INTS8: variants seen among roughly 807,000 people sequenced by gnomAD.
INTS8 encodes the protein integrator complex subunit 8, also known as protein kaonashi-1.
In INTS8, 47 loss-of-function variants were observed where a neutral mutation model predicts 138.9. That is an observed-to-expected ratio of 0.34 (90% CI 0.27 to 0.43). The LOEUF is 0.43. Among genes scored for constraint, INTS8 ranks in the 20% least tolerant of loss-of-function variants. The pLI, the probability that INTS8 is intolerant of heterozygous loss-of-function variation, is 1.00. For missense variants in INTS8, 996 were observed against 1,173.0 expected (o/e 0.85, Z 2.20); for synonymous variants, 392 against 400.9 (o/e 0.98, Z 0.27).
Position 94,842,409 on chromosome 8 carries a change from T to C in INTS8, c.1181T>C (p.Leu394Pro). Reference protein sequence around the residue: ...VCACNTVRDILEGRTISVQFN... With the variant: ...VCACNTVRDIPEGRTISVQFN... ...GCCTGTAATACAGTCCGTGATATACTGGAAGGCAGAACAATTAGTGTTCAA... is the reference window on the plus strand; with the variant it reads ...GCCTGTAATACAGTCCGTGATATACCGGAAGGCAGAACAATTAGTGTTCAA... Residue 394 changes from leucine (L) to proline (P), a missense_variant, in exon 10 of 27, where the codon CTG (leucine) becomes CCG (proline). Leu to Pro is a moderately conservative substitution (Grantham distance 98). Coordinates refer to ENST00000523731, the MANE Select transcript of INTS8 (RefSeq NM_017864.4). 1 of 1,603,380 alleles carries C rather than the reference T, an allele frequency of 6.2e-7. No homozygotes were observed. The highest frequency in any genetic ancestry group is 8.5e-7 in the Non-Finnish European group (1 of 1,170,380).
chr8:94,867,659 G>A (rs1251555963), intron 20 of INTS8: 2 of 192,514 alleles, frequency 1.0e-5, no homozygotes, highest in Middle Eastern at 2.1e-3. Context: ...AAATAGCTGG[G>A]ATTACAGGCA....
chr8:94,851,758 C>T (rs1815554122), intron 13 of INTS8, 72 bp downstream of exon 13: 5 of 1,318,108 alleles, frequency 3.8e-6, no homozygotes, highest in African/African-American at 1.6e-5. Flanking sequence ...AAAAGCTGTT[C>T]CCTGACCTTT....
intron 6 of INTS8, among the ~76,000 whole-genome samples, chr8:94,836,049 G>C (rs970479641): frequency 2.6e-5 from 4 of 152,202 alleles, no homozygotes; most frequent in African/African-American, 9.6e-5. Flanking sequence ...TCATAGCATT[G>C]AGAGTGATGG....
chr8:94,845,363 G>T (rs1180820973), intron 10 of INTS8, among the ~76,000 whole-genome samples: 1 of 152,008 alleles, frequency 6.6e-6, no homozygotes. Flanking sequence ...ATACATGTAT[G>T]GGCCTGTTTC....
chr8:94,850,011 T>C lies in INTS8; in HGVS notation c.1427T>C (p.Leu476Pro). Residue 476 changes from leucine to proline, a missense_variant, in exon 12 of 27, where the codon CTA becomes CCA. By Grantham distance (98) the Leu-to-Pro change is moderately conservative. Transcript: ENST00000523731. ...TTGTTGAAAGATGAAGAACGAAAGC[T>C]ACTTGTTGATCAGATGAGGAAGAGA... ...ITLLKDEERK[L>P]LVDQMRKRSP... 6.2e-7 allele frequency: 1 copy of C among 1,613,318 alleles called. No homozygotes were observed.
At chr8:94,848,435 C>CT (rs997999298) in intron 10 of INTS8, among the ~76,000 whole-genome samples, 1 of 151,074 alleles carries the variant, frequency 6.6e-6, no homozygotes, top group African/African-American at 2.4e-5. Context: ...ACTTCACTTC[C>CT]TTTTTTCACT....
intron 11 of INTS8, 29 bp from the exon 12 acceptor site, chr8:94,849,887 T>G (rs369142652): frequency 7.9e-6 from 12 of 1,522,090 alleles, no homozygotes; most frequent in Non-Finnish European, 9.7e-6. Context: ...ATACACTTTT[T>G]TGTTTTACAA....
intron 6 of INTS8, among the ~76,000 whole-genome samples, chr8:94,835,836 G>C (rs1234769039): frequency 6.6e-6 from 1 of 152,148 alleles, no homozygotes; most frequent in African/African-American, 2.4e-5. Flanking sequence ...TTGACCTCGT[G>C]ATCCACCCGC....
At chr8:94,862,112 T>G (rs1050964449) in intron 16 of INTS8, among the ~76,000 whole-genome samples, 3 of 151,754 alleles carry the variant, frequency 2.0e-5, no homozygotes, top group Non-Finnish European at 4.4e-5. Flanking sequence ...GGGTAGTTTT[T>G]TTTTGTTTTG....
rs774784053 is a variant in INTS8 at position 94,824,869 on chromosome 8, AATTT to A, written c.131-19_131-16del. Reference sequence around the variant, plus strand: ...TACATAATTAAAACTTAAATTTAAGAATTTATTTTCTTTTAAACCCTAGATCCTG... The same window carrying A: ...TACATAATTAAAACTTAAATTTAAGAATTTTCTTTTAAACCCTAGATCCTG... On this transcript the variant is annotated intron_variant, in intron 1 of 26. Coordinates refer to ENST00000523731, the MANE Select transcript of INTS8 (RefSeq NM_017864.4). The A allele has an allele frequency of 3.4e-6, 5 of 1,470,344 alleles. No individual in the cohort carries two copies. The highest frequency in any genetic ancestry group is 4.6e-6 in the Non-Finnish European group (5 of 1,097,658). The allele number at this position is 1,470,344 out of a possible 1,614,324, so 91.1% of individuals were successfully genotyped here.
intron 16 of INTS8, among the ~76,000 whole-genome samples, chr8:94,861,942 A>C (rs563450783): frequency 6.1e-4 from 92 of 150,510 alleles, no homozygotes; most frequent in African/African-American, 1.8e-3. Flanking sequence ...AATCATATCT[A>C]TCTCTTCTTT....
chr8:94,855,457 A>G (rs899195164), intron 14 of INTS8, among the ~76,000 whole-genome samples: 10 of 152,226 alleles, frequency 6.6e-5, no homozygotes, highest in African/African-American at 2.4e-4. Flanking sequence ...TGGCTGCCAT[A>G]TTAGACAATG....
At chr8:94,849,430 C>T (rs1815450207) in intron 10 of INTS8, 32 bp from the exon 11 acceptor site, 1 of 1,003,236 alleles carries the variant, frequency 1.0e-6, no homozygotes, top group Non-Finnish European at 1.5e-6. Context: ...TATAAGTACC[C>T]ATATTCAAAT....
chr8:94,839,577 C>T (rs1031436615), intron 8 of INTS8, among the ~76,000 whole-genome samples: 1 of 152,060 alleles, frequency 6.6e-6, no homozygotes, highest in African/African-American at 2.4e-5. Context: ...CTATCTTTGG[C>T]CCTTTTTAAA....
chr8:94,835,722 C>A (rs530087933), intron 6 of INTS8, among the ~76,000 whole-genome samples: 2 of 152,220 alleles, frequency 1.3e-5, no homozygotes, highest in Admixed American at 6.5e-5. Context: ...GCCCCAGCCT[C>A]CCAAATAGCT....
chr8:94,858,986 C>T (rs1815853621), intron 15 of INTS8, among the ~76,000 whole-genome samples: 1 of 152,150 alleles, frequency 6.6e-6, no homozygotes, highest in Non-Finnish European at 1.5e-5. Context: ...AAGAAGGAGG[C>T]TGGGCATGCT....
intron 23 of INTS8, 118 bp downstream of exon 23, chr8:94,874,720 T>A (rs1478347505): frequency 1.7e-6 from 1 of 579,330 alleles, no homozygotes; most frequent in Non-Finnish European, 3.0e-6. Flanking sequence ...ACTTAGGGTA[T>A]GTAAGAGTTT....
At chr8:94,880,003 T>C in intron 26 of INTS8, 115 bp from the exon 27 acceptor site, 1 of 699,600 alleles carries the variant, frequency 1.4e-6, no homozygotes, top group South Asian at 1.8e-5. Flanking sequence ...GTTAAGAGGT[T>C]CAGTTAATCA....
chr8:94,875,078 A>G (rs1179294508), intron 23 of INTS8, among the ~76,000 whole-genome samples: 1 of 152,178 alleles, frequency 6.6e-6, no homozygotes, highest in Non-Finnish European at 1.5e-5. Context: ...TCAAAAAGGT[A>G]AACATAAGAA....
Sources: gnomAD v4.1 joint callset for allele counts (sites outside exome capture counted in the v4.1 genomes callset) on GRCh38, gnomAD v4.1.1 for gene constraint, MANE v1.5 for transcripts, NCBI Gene and HGNC (gene_info 2026-07-23, HGNC 2026-07-21) for gene names.